Variants in C2CD5 observed in about 807,000 individuals in gnomAD.
C2CD5 encodes the protein C2 domain-containing protein 5.
C2CD5 carries 109 observed loss-of-function variants against 130.3 expected under a neutral mutation model. That is an observed-to-expected ratio of 0.84 (90% confidence interval 0.72 to 0.98). The LOEUF (loss-of-function observed/expected upper bound fraction) is 0.98. Ranked by LOEUF, C2CD5 falls within the 50% of genes least tolerant of loss-of-function variation. The pLI, the probability that C2CD5 is intolerant of heterozygous loss-of-function variation, is 0.00. For missense variants in C2CD5, 996 were observed against 1,261.8 expected, an observed-to-expected ratio of 0.79 and a Z score of 3.19; for synonymous variants, 454 against 429.2, an observed-to-expected ratio of 1.06 and a Z score of -0.71.
chr12:22,515,492 T>G (rs1949628550), intron 8 of C2CD5, among the ~76,000 whole-genome samples: 1 of 152,170 alleles, frequency 6.6e-6, no homozygotes, highest in Admixed American at 6.5e-5. Flanking sequence ...ATTTGTAAGA[T>G]TCAAATGTAC....
At chr12:22,471,625 T>C in intron 19 of C2CD5, 137 bp from the exon 20 acceptor site, 1 of 506,338 alleles carries the variant, frequency 2.0e-6, no homozygotes, top group Non-Finnish European at 3.6e-6. Flanking sequence ...GTTTTGTGTA[T>C]TTTTACACTA....
chr12:22,471,188 C>T (rs142565196), intron 20 of C2CD5, among the ~76,000 whole-genome samples: 171 of 152,104 alleles, frequency 1.1e-3, no homozygotes, highest in African/African-American at 4.1e-3. Flanking sequence ...CTACTGTATA[C>T]ATGCTGAAGC....
intron 22 of C2CD5, among the ~76,000 whole-genome samples, chr12:22,464,168 A>G (rs1941677979): frequency 6.6e-6 from 1 of 152,216 alleles, no homozygotes; most frequent in African/African-American, 2.4e-5. Context: ...ACTAGCTTCA[A>G]TTTGGACAGT....
chr12:22,487,191 C>T lies in C2CD5; in HGVS notation c.1359-2303G>A, dbSNP rs140327901. ...CACCAAAAGCAATGGCAACAAAAGC[C>T]AAAATTGACAAATGGGATCTAATTC... is the stretch of plus-strand genomic sequence containing the variant. On this transcript the variant is annotated intron_variant, in intron 12 of 26. Coordinates refer to ENST00000446597, the MANE Select transcript of C2CD5 (RefSeq NM_001286176.2). Among the ~76,000 whole-genome samples, 801 of 152,154 alleles carry T rather than the reference C, an allele frequency of 5.3e-3. 14 individuals are homozygous for T. Among genetic ancestry groups the T allele is most frequent in the East Asian group, 0.05 (259 of 5,158 alleles).
chr12:22,449,693 T>C lies in C2CD5; in HGVS notation c.*67A>G, dbSNP rs372491550. The C allele has an allele frequency of 7.1e-5, 99 of 1,385,112 alleles. No individual in the cohort carries two copies. The highest frequency in any genetic ancestry group is 1.8e-4 in the Middle Eastern group (1 of 5,422). The allele number at this position is 1,385,112 out of a possible 1,614,324, so 85.8% of individuals were successfully genotyped here. ...AAGTTCAATTTTAAGTCTAAGAAGA[T>C]AATTAATGACAAAATAACAGAGATT... On this transcript the variant is annotated 3_prime_UTR_variant, in exon 27 of 27. Coordinates refer to ENST00000446597, the MANE Select transcript of C2CD5 (RefSeq NM_001286176.2).
At chr12:22,540,724 AG>A (rs1393489897) in intron 2 of C2CD5, among the ~76,000 whole-genome samples, 4 of 152,008 alleles carry the variant, frequency 2.6e-5, no homozygotes, top group African/African-American at 4.8e-5. Context: ...CTGGGCGCGG[AG>A]GCAAGCACCT....
intron 9 of C2CD5, among the ~76,000 whole-genome samples, chr12:22,510,100 GA>G (rs1249773778): frequency 6.6e-6 from 1 of 152,118 alleles, no homozygotes. Context: ...AGCTACTCAG[GA>G]GGCTGAGGCA....
At chr12:22,531,856 CTG>C (rs1951309704) in intron 3 of C2CD5, among the ~76,000 whole-genome samples, 1 of 152,114 alleles carries the variant, frequency 6.6e-6, no homozygotes, top group African/African-American at 2.4e-5. Flanking sequence ...CTTATACAAA[CTG>C]AGATTTAATT....
intron 7 of C2CD5, among the ~76,000 whole-genome samples, chr12:22,519,579 T>C (rs1014183981): frequency 6.6e-6 from 1 of 152,150 alleles, no homozygotes; most frequent in Admixed American, 6.5e-5. Flanking sequence ...TTCATCACAA[T>C]AGAACTTACT....
intron 12 of C2CD5, among the ~76,000 whole-genome samples, chr12:22,487,688 C>A (rs988625271): frequency 1.4e-4 from 22 of 151,912 alleles, no homozygotes; most frequent in Admixed American, 1.2e-3. Flanking sequence ...TTGACCCAGC[C>A]ATCCCATTAC....
intron 4 of C2CD5, among the ~76,000 whole-genome samples, chr12:22,526,745 G>T (rs1950756638): frequency 6.6e-6 from 1 of 152,098 alleles, no homozygotes; most frequent in Non-Finnish European, 1.5e-5. Flanking sequence ...TTCAAAACAT[G>T]CTCTGATAAA....
intron 16 of C2CD5, among the ~76,000 whole-genome samples, chr12:22,474,417 G>T (rs7489131): frequency 6.6e-6 from 1 of 152,054 alleles, no homozygotes; most frequent in Non-Finnish European, 1.5e-5. Flanking sequence ...TACAAAAAAG[G>T]TAATAATTAT....
chr12:22,543,986 C>A (rs1281401745), intron 2 of C2CD5, 75 bp downstream of exon 2: 14 of 1,138,434 alleles, frequency 1.2e-5, no homozygotes, highest in Non-Finnish European at 1.6e-5. Flanking sequence ...GGCTGAGGGG[C>A]TGGGGGCGAG....
intron 14 of C2CD5, among the ~76,000 whole-genome samples, chr12:22,480,368 G>C (rs767063268): frequency 1.1e-4 from 17 of 152,170 alleles, no homozygotes; most frequent in South Asian, 1.0e-3. Flanking sequence ...ACACCTCGTC[G>C]GCACTCATCA....
chr12:22,512,323 T>C (rs1346198353), intron 9 of C2CD5, among the ~76,000 whole-genome samples: 1 of 152,172 alleles, frequency 6.6e-6, no homozygotes, highest in East Asian at 1.9e-4. Flanking sequence ...CTCTTTCACC[T>C]TTTTTCCCCC....
chr12:22,512,708 A>G, intron 9 of C2CD5: 1 of 1,471,284 alleles, frequency 6.8e-7, no homozygotes, highest in Non-Finnish European at 9.0e-7. Context: ...TTAAAAAAAA[A>G]AAAGAGAGAG....
At chr12:22,535,806 GTGCGGTAC>G (rs1484158378) in intron 2 of C2CD5, among the ~76,000 whole-genome samples, 1 of 152,120 alleles carries the variant, frequency 6.6e-6, no homozygotes, top group Non-Finnish European at 1.5e-5. Context: ...AACAGAATTG[GTGCGGTAC>G]TGTCATGCTT....
Position 22,512,710 on chromosome 12 carries a change from AAGAG to A in C2CD5, c.1038+580_1038+583del, listed in dbSNP as rs536379091. 310 of 1,432,656 alleles carry A rather than the reference AAGAG, an allele frequency of 2.2e-4. No individual in the cohort carries two copies. In the Middle Eastern group the frequency reaches 2.6e-3, roughly 12 times the overall value. The allele number at this position is 1,432,656 out of a possible 1,614,324, so 88.7% of individuals were successfully genotyped here. A position where few individuals can be genotyped will look rare whatever the true frequency, so the allele number is the denominator to read the frequency against. ...CAATGAAGTTTATTTAAAAAAAAAA[AAGAG>A]AGAGAGAGAAATCATCCAAAAACTG... On this transcript the variant is annotated intron_variant, in intron 9 of 26. Coordinates refer to ENST00000446597, the MANE Select transcript of C2CD5 (RefSeq NM_001286176.2).
chr12:22,480,849 G>A (rs1944605684), intron 14 of C2CD5, among the ~76,000 whole-genome samples: 1 of 151,644 alleles, frequency 6.6e-6, no homozygotes, highest in Non-Finnish European at 1.5e-5. Context: ...CTGTCAGCCA[G>A]GCTGGAGTGC....
Sources: allele counts gnomAD v4.1 joint callset (sites outside exome capture counted in the v4.1 genomes callset), GRCh38; gene constraint gnomAD v4.1.1; transcripts MANE v1.5; gene names NCBI Gene and HGNC (gene_info 2026-07-23, HGNC 2026-07-21).